Variants in PDGFD observed in about 807,000 individuals in gnomAD.
The protein encoded by PDGFD is platelet derived growth factor D.
A neutral mutation model predicts 44.7 loss-of-function variants in PDGFD; 30 were observed. The observed-to-expected ratio is 0.67, with a 90% CI of 0.50 to 0.91. The LOEUF (loss-of-function observed/expected upper bound fraction) is 0.91. Ranked by LOEUF, PDGFD falls within the 40% of genes least tolerant of loss-of-function variation. The probability of loss-of-function intolerance (pLI) is 0.00; values close to 1 mark genes in which losing one functional copy is unlikely to be tolerated. For missense variants in PDGFD, 445 were observed against 457.8 expected (o/e 0.97, Z 0.25); for synonymous variants, 173 against 168.4 (o/e 1.03, Z -0.21).
intron 1 of PDGFD, among the ~76,000 whole-genome samples, chr11:104,056,202 G>A (rs1860614375): frequency 6.6e-6 from 1 of 152,134 alleles, no homozygotes. Flanking sequence ...ACATGTCCAA[G>A]TTGTGTCTTT....
chr11:103,995,342 G>T lies in PDGFD; in HGVS notation c.510+723C>A, dbSNP rs112068900. 4.6e-5 allele frequency among the ~76,000 whole-genome samples: 7 copies of T among 152,280 alleles called. 1 individual carries two copies. Among genetic ancestry groups the T allele is most frequent in the African/African-American group, 1.7e-4 (7 of 41,570 alleles). ...TTTTATTAATGTATGAATGAGTAAAGATTGTGTGTGACCCATGACTGTGTG... is the reference window on the plus strand; with the variant it reads ...TTTTATTAATGTATGAATGAGTAAATATTGTGTGTGACCCATGACTGTGTG... On this transcript the variant is annotated intron_variant, in intron 3 of 6. Transcript: ENST00000393158.
intron 3 of PDGFD, among the ~76,000 whole-genome samples, chr11:103,963,651 T>C (rs1426790181): frequency 1.3e-5 from 2 of 152,196 alleles, no homozygotes; most frequent in African/African-American, 4.8e-5. Context: ...GGAACAGGCA[T>C]ATATAACAGT....
At chr11:103,934,653 G>A (rs1449056331) in intron 5 of PDGFD, among the ~76,000 whole-genome samples, 1 of 152,202 alleles carries the variant, frequency 6.6e-6, no homozygotes, top group African/African-American at 2.4e-5. Flanking sequence ...ATGGTGGCAG[G>A]AGGGAGAGCA....
intron 1 of PDGFD, among the ~76,000 whole-genome samples, chr11:104,018,189 T>C (rs1485273350): frequency 6.7e-6 from 1 of 150,026 alleles, no homozygotes; most frequent in Non-Finnish European, 1.5e-5. Flanking sequence ...TTCTGGAAAA[T>C]AAAGACTGGG....
intron 3 of PDGFD, among the ~76,000 whole-genome samples, chr11:103,959,006 C>G (rs117988896): frequency 1.3e-5 from 2 of 152,112 alleles, no homozygotes; most frequent in Non-Finnish European, 2.9e-5. Context: ...ACAGCTGGTA[C>G]GGTTCCATGA....
At chr11:104,006,582 C>T (rs890857776) in intron 1 of PDGFD, among the ~76,000 whole-genome samples, 23 of 152,096 alleles carry the variant, frequency 1.5e-4, no homozygotes, top group Admixed American at 1.2e-3. Flanking sequence ...TTGGGTCTGC[C>T]ATGCCACCCT....
intron 1 of PDGFD, among the ~76,000 whole-genome samples, chr11:104,139,010 C>T (rs371006923): frequency 1.3e-5 from 2 of 152,122 alleles, no homozygotes; most frequent in East Asian, 3.9e-4. Flanking sequence ...GATCCGCCTG[C>T]CTCAGAATCC....
intron 1 of PDGFD, among the ~76,000 whole-genome samples, chr11:104,115,547 A>G (rs1181251194): frequency 6.6e-6 from 1 of 151,930 alleles, no homozygotes; most frequent in Non-Finnish European, 1.5e-5. Flanking sequence ...CTTTGTGTAG[A>G]TACCCAGTAG....
chr11:103,914,510 T>C (rs1236844588), intron 6 of PDGFD, among the ~76,000 whole-genome samples: 1 of 152,214 alleles, frequency 6.6e-6, no homozygotes, highest in Non-Finnish European at 1.5e-5. Context: ...AGCCAAATTC[T>C]ACCAGAGGTA....
chr11:104,066,712 T>C (rs949024896), intron 1 of PDGFD, among the ~76,000 whole-genome samples: 4 of 152,186 alleles, frequency 2.6e-5, no homozygotes, highest in South Asian at 4.1e-4. Context: ...GGTAGTGACA[T>C]AAAATTCCCT....
At chr11:103,972,949 T>C (rs1591101671) in intron 3 of PDGFD, among the ~76,000 whole-genome samples, 1 of 152,164 alleles carries the variant, frequency 6.6e-6, no homozygotes, top group East Asian at 1.9e-4. Context: ...ATTCATTTCA[T>C]CAATACATAT....
intron 1 of PDGFD, among the ~76,000 whole-genome samples, chr11:104,154,366 T>A (rs1284080883): frequency 6.6e-6 from 1 of 152,186 alleles, no homozygotes; most frequent in Non-Finnish European, 1.5e-5. Flanking sequence ...TTGAAATTTG[T>A]CATTTAGGAG....
In PDGFD at chr11:103,937,808, G is replaced by GT. The variant is rs1180902319; in HGVS notation, c.772+5643dup. 2.7e-5 allele frequency among the ~76,000 whole-genome samples: 4 copies of GT among 149,036 alleles called. No individual in the cohort carries two copies. The East Asian group carries it at 8.0e-4, about 30-fold the overall frequency. ...TATGAGTGAGAACATGCGGTGTTTG[G>GT]TTTTTTGTCCTTGTGATAGTTTGCT... On this transcript the variant is annotated intron_variant, in intron 5 of 6. Transcript: ENST00000393158.
intron 2 of PDGFD, among the ~76,000 whole-genome samples, chr11:103,997,790 A>G (rs1859556576): frequency 6.6e-6 from 1 of 152,216 alleles, no homozygotes; most frequent in Admixed American, 6.5e-5. Flanking sequence ...TTTTGTTTAA[A>G]GAACACATCA....
intron 1 of PDGFD, among the ~76,000 whole-genome samples, chr11:104,012,555 C>T (rs1300909117): frequency 1.3e-5 from 2 of 152,140 alleles, no homozygotes; most frequent in Non-Finnish European, 2.9e-5. Context: ...TTTTTGTTTT[C>T]TTGTTAAAGC....
At chr11:104,016,954 C>T (rs1439861152) in intron 1 of PDGFD, among the ~76,000 whole-genome samples, 1 of 152,128 alleles carries the variant, frequency 6.6e-6, no homozygotes, top group Non-Finnish European at 1.5e-5. Context: ...CTGCTATAGT[C>T]TGAATGTTTG....
chr11:104,073,654 G>A (rs567229798), intron 1 of PDGFD, among the ~76,000 whole-genome samples: 2 of 152,246 alleles, frequency 1.3e-5, no homozygotes, highest in Non-Finnish European at 2.9e-5. Flanking sequence ...TACTCCATCA[G>A]GGATTACAAA....
chr11:104,104,151 T>C (rs927998873), intron 1 of PDGFD, among the ~76,000 whole-genome samples: 2 of 152,054 alleles, frequency 1.3e-5, no homozygotes, highest in Admixed American at 6.6e-5. Context: ...ATAAAGCATA[T>C]AGAATGCGGA....
At chr11:103,990,652 T>C (rs1027778721) in intron 3 of PDGFD, among the ~76,000 whole-genome samples, 2 of 152,198 alleles carry the variant, frequency 1.3e-5, no homozygotes, top group Non-Finnish European at 2.9e-5. Flanking sequence ...CTTGCAGCTC[T>C]GAAATCTCCA....
Sources: gnomAD v4.1 joint callset for allele counts (sites outside exome capture counted in the v4.1 genomes callset) on GRCh38, gnomAD v4.1.1 for gene constraint, MANE v1.5 for transcripts, NCBI Gene and HGNC (gene_info 2026-07-23, HGNC 2026-07-21) for gene names.